The following COG6 variants were observed in gnomAD, a reference collection of about 807,000 sequenced individuals.
COG6 encodes the protein component of oligomeric golgi complex 6.
Under a neutral mutation model 88.8 loss-of-function variants are expected in COG6, and 74 were observed. The observed-to-expected ratio is 0.83, with a 90% CI of 0.69 to 1.01. The LOEUF (loss-of-function observed/expected upper bound fraction) is 1.01. COG6 is among the 50% of genes least tolerant of loss of function. The pLI, the probability that COG6 is intolerant of heterozygous loss-of-function variation, is 0.00. For synonymous variants in COG6, 286 were observed against 278.7 expected, an observed-to-expected ratio of 1.03 and a Z score of -0.26; for missense variants, 800 against 797.9, an observed-to-expected ratio of 1.00 and a Z score of -0.03.
chr13:39,787,613 C>A (rs1212890559), intron 18 of COG6, among the ~76,000 whole-genome samples: 1 of 151,980 alleles, frequency 6.6e-6, no homozygotes, highest in Admixed American at 6.6e-5. Context: ...TATATTTATG[C>A]ACATACACAC....
chr13:39,667,067 C>T (rs1027667628), intron 4 of COG6, among the ~76,000 whole-genome samples: 35 of 152,198 alleles, frequency 2.3e-4, no homozygotes, highest in Middle Eastern at 3.4e-3. Context: ...TTAGTGAGAG[C>T]AGTTTCACTT....
At chr13:39,776,176 T>C (rs1881458693) in intron 18 of COG6, among the ~76,000 whole-genome samples, 1 of 152,162 alleles carries the variant, frequency 6.6e-6, no homozygotes, top group Non-Finnish European at 1.5e-5. Flanking sequence ...TATCAGCACT[T>C]TCCTTCCAGT....
intron 12 of COG6, among the ~76,000 whole-genome samples, chr13:39,698,678 A>G (rs1877408244): frequency 6.6e-6 from 1 of 151,920 alleles, no homozygotes; most frequent in African/African-American, 2.4e-5. Flanking sequence ...ATCTTTAACA[A>G]TCTAAAATTT....
chr13:39,683,809 C>T (rs1876462200), intron 8 of COG6, among the ~76,000 whole-genome samples: 1 of 151,484 alleles, frequency 6.6e-6, no homozygotes, highest in African/African-American at 2.4e-5. Flanking sequence ...CTGACTTCTG[C>T]CATGCAAATA....
Position 39,719,994 on chromosome 13 carries a change from A to AAC in COG6, c.1584+199_1584+200dup, listed in dbSNP as rs58617808. On this transcript the variant is annotated intron_variant, in intron 15 of 18. Coordinates refer to ENST00000455146, the MANE Select transcript of COG6 (RefSeq NM_020751.3). ...ATATACACAACACACGCACATACAC[A>AAC]ACACACACACACACACACACACACA... Among the ~76,000 whole-genome samples, 29,686 of 147,434 alleles carry AAC rather than the reference A, an allele frequency of 0.2. 3,161 individuals carry two copies. Among genetic ancestry groups the AAC allele is most frequent in the Non-Finnish European group, 0.26 (17,388 of 66,662 alleles).
chr13:39,708,394 T>C (rs1180045815), intron 13 of COG6, among the ~76,000 whole-genome samples: 8 of 152,216 alleles, frequency 5.3e-5, no homozygotes, highest in African/African-American at 1.4e-4. Context: ...AATTCAGTCT[T>C]GTATAACAAG....
chr13:39,711,656 C>A (rs954937784), intron 13 of COG6, among the ~76,000 whole-genome samples: 1 of 152,088 alleles, frequency 6.6e-6, no homozygotes, highest in African/African-American at 2.4e-5. Flanking sequence ...ACCTTAGGCT[C>A]ATTAGGATTA....
intron 18 of COG6, among the ~76,000 whole-genome samples, chr13:39,777,405 G>C (rs1881496596): frequency 6.6e-6 from 1 of 152,128 alleles, no homozygotes; most frequent in African/African-American, 2.4e-5. Flanking sequence ...TTAGAAGGGG[G>C]TGTGGAGCTG....
At chr13:39,737,570 A>AGAAG (rs1879829238) in intron 18 of COG6, among the ~76,000 whole-genome samples, 1 of 150,298 alleles carries the variant, frequency 6.7e-6, no homozygotes, top group Non-Finnish European at 1.5e-5. Context: ...TGTCTCAAGC[A>AGAAG]GAAGGAAGGA....
intron 18 of COG6, among the ~76,000 whole-genome samples, chr13:39,750,407 AT>A (rs1880560050): frequency 6.6e-6 from 1 of 152,208 alleles, no homozygotes; most frequent in Admixed American, 6.5e-5. Flanking sequence ...GAAAGCTGTG[AT>A]TTGCTGCAGG....
Position 39,700,569 on chromosome 13 carries a change from T to C in COG6, c.1284+951T>C, listed in dbSNP as rs142608592. On this transcript the variant is annotated intron_variant, in intron 13 of 18. Coordinates refer to ENST00000455146, the MANE Select transcript of COG6 (RefSeq NM_020751.3). Reference sequence around the variant, plus strand: ...TTCTGGTTATATTTGTTATTATGAGTTCTTATTTAGACAGAACTCTTCTAA... The same window carrying C: ...TTCTGGTTATATTTGTTATTATGAGCTCTTATTTAGACAGAACTCTTCTAA... Among the ~76,000 whole-genome samples the C allele has an allele frequency of 7.2e-3, 1,100 of 152,020 alleles. 32 individuals are homozygous for C. Among genetic ancestry groups the C allele is most frequent in the Admixed American group, 0.049 (743 of 15,242 alleles).
intron 11 of COG6, among the ~76,000 whole-genome samples, chr13:39,692,396 T>C (rs1051254261): frequency 1.3e-5 from 2 of 152,010 alleles, no homozygotes; most frequent in Non-Finnish European, 2.9e-5. Context: ...TTTAGTGTAG[T>C]GTATGCTACA....
In COG6 at chr13:39,719,819, C is replaced by G. The variant is rs1189598060; in HGVS notation, c.1576C>G (p.Gln526Glu). 1 of 1,609,596 alleles carries G rather than the reference C, an allele frequency of 6.2e-7. No individual in the cohort carries two copies. The highest frequency in any genetic ancestry group is 1.7e-4 in the Middle Eastern group (1 of 6,042). ...EFTDRRLEML[Q>E]FQIEAHLDTL... ...CACTGACAGACGTCTGGAAATGCTA[C>G]AGTTTCAGGTAAATTTTTCTATAAA... The change falls in exon 15 of 19, where the codon CAG becomes GAG. Residue 526 changes from glutamine (Q) to glutamate (E), a missense_variant. Physicochemically the swap from Gln to Glu is conservative, Grantham distance 29. Coordinates refer to ENST00000455146, the MANE Select transcript of COG6 (RefSeq NM_020751.3).
chr13:39,771,599 T>C (rs1238154439), intron 18 of COG6, among the ~76,000 whole-genome samples: 2 of 152,234 alleles, frequency 1.3e-5, no homozygotes, highest in Non-Finnish European at 2.9e-5. Flanking sequence ...GCTGCTGCCT[T>C]GGCAAAGTAC....
intron 4 of COG6, among the ~76,000 whole-genome samples, chr13:39,667,558 A>G (rs1372922378): frequency 1.3e-5 from 2 of 152,200 alleles, no homozygotes; most frequent in Non-Finnish European, 2.9e-5. Context: ...ATGTTGACCT[A>G]TAAGTCAGTT....
chr13:39,749,101 C>G (rs9548917), intron 18 of COG6, among the ~76,000 whole-genome samples: 1 of 151,882 alleles, frequency 6.6e-6, no homozygotes, highest in African/African-American at 2.4e-5. Context: ...ATAACTATTA[C>G]GTTAATCTAG....
At chr13:39,733,131 GAGA>G in intron 18 of COG6, among the ~76,000 whole-genome samples, 1 of 150,732 alleles carries the variant, frequency 6.6e-6, no homozygotes, top group Non-Finnish European at 1.5e-5. Context: ...AACGAAAGTA[GAGA>G]AGGTTTATCC....
At chr13:39,717,395 C>G (rs1486461024) in intron 13 of COG6, among the ~76,000 whole-genome samples, 1 of 151,938 alleles carries the variant, frequency 6.6e-6, no homozygotes, top group East Asian at 1.9e-4. Flanking sequence ...TGTTTCTTCA[C>G]TGCCTTTTTT....
intron 13 of COG6, among the ~76,000 whole-genome samples, chr13:39,699,877 G>A (rs1877480562): frequency 6.6e-6 from 1 of 151,760 alleles, no homozygotes; most frequent in Non-Finnish European, 1.5e-5. Context: ...TTCTATCACA[G>A]AAGTTGTATA....
Sources: gnomAD v4.1 joint callset for allele counts (sites outside exome capture counted in the v4.1 genomes callset) on GRCh38, gnomAD v4.1.1 for gene constraint, MANE v1.5 for transcripts, NCBI Gene and HGNC (gene_info 2026-07-23, HGNC 2026-07-21) for gene names.